The following SH2D7 variants were observed in gnomAD, a reference collection of about 807,000 sequenced individuals.
SH2D7 encodes the protein SH2 domain-containing protein 7.
A neutral mutation model predicts 40.8 loss-of-function variants in SH2D7; 32 were observed. The ratio of observed to expected loss-of-function variants is 0.78; its 90% CI spans 0.59 to 1.05. The LOEUF (loss-of-function observed/expected upper bound fraction) is 1.05. SH2D7 is among the 50% of genes least tolerant of loss of function. SH2D7 has a pLI of 0.00. For synonymous variants in SH2D7, 195 were observed against 221.5 expected (o/e 0.88, Z 1.06); for missense variants, 559 against 566.6 (o/e 0.99, Z 0.14).
At chr15:78,094,239 T>C in intron 2 of SH2D7, 38 bp downstream of exon 2, 2 of 1,573,590 alleles carry the variant, frequency 1.3e-6, no homozygotes, top group Non-Finnish European at 1.7e-6. Context: ...AAGCTCATCC[T>C]ACCATAACCT....
upstream of SH2D7, among the ~76,000 whole-genome samples, chr15:78,090,161 A>AT (rs1555424211): frequency 1.3e-5 from 2 of 152,150 alleles, no homozygotes; most frequent in Non-Finnish European, 2.9e-5. Context: ...CTTTTCACAG[A>AT]TGGGGAAAAT....
chr15:78,098,027 T>G lies in SH2D7; in HGVS notation c.365T>G (p.Leu122Arg). Residue 122 changes from leucine (L) to arginine (R), a missense_variant, in exon 3 of 6, where the codon CTT (leucine) becomes CGT (arginine). Leu to Arg is a moderately radical substitution (Grantham distance 102). Transcript: ENST00000328828. The stretch of plus-strand genomic sequence containing the variant: ...CAGAGCCACAGCACCCTGGCTGAGC[T>G]TGTGCACCATTACCAGGAGGCACAG... ...DTQSHSTLAELVHHYQEAQLE... is the reference protein window; with the variant it reads ...DTQSHSTLAERVHHYQEAQLE... 6.2e-7 allele frequency: 1 copy of G among 1,614,016 alleles called. No homozygotes were observed. The highest frequency in any genetic ancestry group is 8.5e-7 in the Non-Finnish European group (1 of 1,179,882).
intron 4 of SH2D7, among the ~76,000 whole-genome samples, chr15:78,100,563 G>T (rs1205969663): frequency 1.3e-5 from 2 of 152,280 alleles, no homozygotes; most frequent in East Asian, 3.9e-4. Flanking sequence ...TGGGCATGAT[G>T]GTGGGAGCCT....
intron 4 of SH2D7, among the ~76,000 whole-genome samples, chr15:78,100,693 T>C (rs961767403): frequency 1.3e-5 from 2 of 151,970 alleles, no homozygotes; most frequent in Admixed American, 1.3e-4. Context: ...CAAGACTCCA[T>C]CTCAAAAAAC....
intron 2 of SH2D7, among the ~76,000 whole-genome samples, chr15:78,094,448 G>A (rs2073958207): frequency 6.6e-6 from 1 of 152,210 alleles, no homozygotes; most frequent in South Asian, 2.1e-4. Flanking sequence ...GGTGAACTTT[G>A]AGCCTAGGAT....
chr15:78,093,419 A>C (rs2141868729), intron 1 of SH2D7, among the ~76,000 whole-genome samples: 1 of 152,354 alleles, frequency 6.6e-6, no homozygotes, highest in South Asian at 2.1e-4. Context: ...CCATGTTTTC[A>C]TTTAGCACCT....
chr15:78,097,902 C>T (rs1235960042), intron 2 of SH2D7, 27 bp from the exon 3 acceptor site: 3 of 1,609,122 alleles, frequency 1.9e-6, no homozygotes, highest in South Asian at 2.2e-5. Flanking sequence ...GACCAGCAGC[C>T]CCAGACCACA....
upstream of SH2D7, among the ~76,000 whole-genome samples, chr15:78,092,192 C>T (rs1378030236): frequency 6.6e-6 from 1 of 152,214 alleles, no homozygotes; most frequent in African/African-American, 2.4e-5. Flanking sequence ...GGAAGGATAC[C>T]TAGAATTTAA....
upstream of SH2D7, among the ~76,000 whole-genome samples, chr15:78,090,331 C>G (rs2073932840): frequency 2.0e-5 from 3 of 152,116 alleles, no homozygotes; most frequent in Admixed American, 1.3e-4. Context: ...TCGCTTGAAC[C>G]CAGGAGGCAG....
chr15:78,102,098 C>T (rs1434289521), intron 5 of SH2D7, among the ~76,000 whole-genome samples: 2 of 151,874 alleles, frequency 1.3e-5, no homozygotes, highest in Admixed American at 6.6e-5. Context: ...TGAAAAAATA[C>T]AAAAAATTGC....
At chr15:78,091,229 T>C (rs1278412772), upstream of SH2D7, 2 of 152,220 alleles carry the variant, frequency 1.3e-5, no homozygotes, top group Admixed American at 6.5e-5. Context: ...GAGATAGTTA[T>C]ATATCAAGGG....
intron 2 of SH2D7, 107 bp from the exon 3 acceptor site, chr15:78,097,822 C>T: frequency 1.4e-6 from 2 of 1,423,246 alleles, no homozygotes; most frequent in Non-Finnish European, 1.9e-6. Flanking sequence ...TGTTCTGGAT[C>T]AAGAGCTGGG....
At chr15:78,099,848 A>ACTGGCTCTACCATCTGC (rs2074000764) in intron 4 of SH2D7, among the ~76,000 whole-genome samples, 1 of 151,720 alleles carries the variant, frequency 6.6e-6, no homozygotes, top group African/African-American at 2.4e-5. Context: ...GGGCCTCTGC[A>ACTGGCTCTACCATCTGC]CTGGCTCTAC....
At chr15:78,092,871 C>G in intron 1 of SH2D7, 111 bp downstream of exon 1, 1 of 1,348,560 alleles carries the variant, frequency 7.4e-7, no homozygotes, top group Non-Finnish European at 9.9e-7. Context: ...CTGGGCTAGG[C>G]AGGGGCCCTT....
chr15:78,090,623 C>CCACCAT (rs2073934585), upstream of SH2D7, among the ~76,000 whole-genome samples: 1 of 146,340 alleles, frequency 6.8e-6, no homozygotes, highest in Admixed American at 6.8e-5. Flanking sequence ...TCTTGCATCA[C>CCACCAT]CATCATCATC....
Position 78,101,018 on chromosome 15 carries a change from C to T in SH2D7, c.765C>T (p.Gly255=). 6.2e-7 allele frequency: 1 copy of T among 1,613,336 alleles called. No homozygotes were observed. Among genetic ancestry groups the T allele is most frequent in the Non-Finnish European group, 8.5e-7 (1 of 1,179,582 alleles). Residue 255 remains glycine (G), a synonymous_variant, in exon 5 of 6, where the codon GGC becomes GGT. Transcript: ENST00000328828. ...GGAGGATGAACCAGGCACGGCTAGG[C>T]TTGGGCACAGAGGGGTCCGGCAGGC... ...DLRRMNQARL[G]LGTEGSGRHG... is the part of the protein sequence containing the mutation.
chr15:78,102,571 G>A (rs2074024746), intron 5 of SH2D7, among the ~76,000 whole-genome samples: 1 of 152,114 alleles, frequency 6.6e-6, no homozygotes, highest in Admixed American at 6.5e-5. Flanking sequence ...GGTGGTATTG[G>A]TGGCAGAGGC....
rs148517784 is a variant in SH2D7 at position 78,096,931 on chromosome 15, C to T, written c.267-998C>T. Among the ~76,000 whole-genome samples, 128 of 152,252 alleles carry T rather than the reference C, an allele frequency of 8.4e-4. 3 individuals carry two copies. In the East Asian group the frequency reaches 0.019, roughly 22 times the overall value. Reference sequence around the variant, plus strand: ...GAGTACATATTCACCAAAAGATATGCACAAGAATGCTCACAGCAGCTTTAT... The same window carrying T: ...GAGTACATATTCACCAAAAGATATGTACAAGAATGCTCACAGCAGCTTTAT... On this transcript the variant is annotated intron_variant, in intron 2 of 5. Coordinates refer to ENST00000328828, the MANE Select transcript of SH2D7 (RefSeq NM_001101404.2).
chr15:78,103,367 G>T, intron 5 of SH2D7, 98 bp from the exon 6 acceptor site: 1 of 1,403,186 alleles, frequency 7.1e-7, no homozygotes, highest in Non-Finnish European at 9.7e-7. Context: ...TCCTAGGCTT[G>T]GGCCCCCAAC....
Sources: gnomAD v4.1 joint callset for allele counts (sites outside exome capture counted in the v4.1 genomes callset) on GRCh38, gnomAD v4.1.1 for gene constraint, MANE v1.5 for transcripts, NCBI Gene and HGNC (gene_info 2026-07-23, HGNC 2026-07-21) for gene names.